The following UNC79 variants were observed in gnomAD, a reference collection of about 807,000 sequenced individuals.
UNC79 encodes the protein protein unc-79 homolog.
Under a neutral mutation model 283.1 loss-of-function variants are expected in UNC79, and 37 were observed. The ratio of observed to expected loss-of-function variants is 0.13; its 90% CI spans 0.10 to 0.17. UNC79 has a LOEUF of 0.17. Among genes scored for constraint, UNC79 ranks in the 10% least tolerant of loss-of-function variants. The probability of loss-of-function intolerance (pLI) is 1.00; values close to 1 mark genes in which losing one functional copy is unlikely to be tolerated. For synonymous variants in UNC79, 1,107 were observed against 1,200.2 expected, an observed-to-expected ratio of 0.92 and a Z score of 1.61; for missense variants, 2,272 against 3,211.1, an observed-to-expected ratio of 0.71 and a Z score of 7.07.
intron 1 of UNC79, among the ~76,000 whole-genome samples, chr14:93,394,559 C>T (rs908895092): frequency 5.9e-4 from 89 of 151,604 alleles, no homozygotes; most frequent in Non-Finnish European, 1.1e-3. Flanking sequence ...TACAGGCACC[C>T]GCCACTGCAC....
chr14:93,374,680 A>G lies in UNC79; in HGVS notation c.-351+41157A>G, dbSNP rs1208859748. ...CAGCCTCCTGAGTAGCTGGGATTAC[A>G]GTTGAGTGCCACCACAACTGGCTAA... is the stretch of plus-strand genomic sequence containing the variant. On this transcript the variant is annotated intron_variant, in intron 1 of 49. Transcript: ENST00000256339. 8.5e-5 allele frequency among the ~76,000 whole-genome samples: 13 copies of G among 152,120 alleles called. No homozygotes were observed. In the South Asian group the frequency reaches 2.7e-3, roughly 31 times the overall value.
At chr14:93,635,728 G>A (rs1452833767) in intron 31 of UNC79, among the ~76,000 whole-genome samples, 2 of 152,156 alleles carry the variant, frequency 1.3e-5, no homozygotes, top group East Asian at 3.8e-4. Flanking sequence ...CTTTATAAGG[G>A]TTCTTTACAT....
chr14:93,685,154 C>G (rs2074140527), intron 42 of UNC79, among the ~76,000 whole-genome samples: 1 of 152,184 alleles, frequency 6.6e-6, no homozygotes, highest in African/African-American at 2.4e-5. Flanking sequence ...ATTCCTTGCT[C>G]TCATTTTTTG....
At chr14:93,408,986 G>A (rs9788562) in intron 1 of UNC79, among the ~76,000 whole-genome samples, 1,944 of 152,196 alleles carry the variant, frequency 0.013, 45 homozygotes, top group African/African-American at 0.045. Context: ...ATTTAGTGAT[G>A]AATTTTAAAC....
chr14:93,503,885 T>G (rs2059413721), intron 7 of UNC79, among the ~76,000 whole-genome samples: 1 of 152,030 alleles, frequency 6.6e-6, no homozygotes, highest in African/African-American at 2.4e-5. Flanking sequence ...TAATGCTTTT[T>G]TGTCATCTTC....
chr14:93,415,455 C>T (rs1276176486), intron 1 of UNC79, among the ~76,000 whole-genome samples: 1 of 152,156 alleles, frequency 6.6e-6, no homozygotes, highest in Non-Finnish European at 1.5e-5. Context: ...CATCAATGTT[C>T]ATCAAGGATA....
Position 93,529,865 on chromosome 14 carries a change from T to C in UNC79, c.1093+539T>C, listed in dbSNP as rs80329071. ...AGATTGCAATGCTTCTTGTAGTTTG[T>C]CAGAGTTGTCAAAGCTATGCCCTAT... On this transcript the variant is annotated intron_variant, in intron 10 of 48. Coordinates refer to ENST00000555664, the Ensembl canonical transcript of UNC79. Among the ~76,000 whole-genome samples the C allele has an allele frequency of 3.6e-3, 551 of 152,296 alleles. 3 individuals carry two copies. The highest frequency in any genetic ancestry group is 0.012 in the African/African-American group (518 of 41,568).
chr14:93,563,568 G>C (rs926152248), intron 14 of UNC79, among the ~76,000 whole-genome samples: 37 of 152,256 alleles, frequency 2.4e-4, no homozygotes, highest in East Asian at 9.6e-4. Context: ...TAGTGCAGCG[G>C]GGGCAGAGCA....
rs146873877 is a variant in UNC79 at position 93,419,104 on chromosome 14, G to A, written c.-350-48567G>A. Among the ~76,000 whole-genome samples the A allele has an allele frequency of 2.8e-3, 408 of 146,358 alleles. 1 individual carries two copies. The highest frequency in any genetic ancestry group is 0.01 in the African/African-American group (381 of 37,854). The stretch of plus-strand genomic sequence containing the variant: ...TCAGATGGAAATGCAGAAATCACCC[G>A]TCTTCTGTGTCACGCTGGGAGCTGT... On this transcript the variant is annotated intron_variant, in intron 1 of 49. Coordinates refer to the UNC79 transcript ENST00000256339.
chr14:93,532,642 T>C lies in UNC79; in HGVS notation c.1122+64T>C, dbSNP rs969039440. 2.5e-6 allele frequency: 4 copies of C among 1,594,988 alleles called. No individual in the cohort carries two copies. The African/African-American group carries it at 4.0e-5, about 16-fold the overall frequency. ...TTGTGTTTGTATGTAAATTCATTTA[T>C]TGACATCTGCCTCATTTCTGCACCG... On this transcript the variant is annotated intron_variant, in intron 11 of 48. Coordinates refer to ENST00000555664, the Ensembl canonical transcript of UNC79.
intron 30 of UNC79, among the ~76,000 whole-genome samples, chr14:93,623,057 GT>G (rs1321219163): frequency 6.6e-6 from 1 of 152,164 alleles, no homozygotes; most frequent in Non-Finnish European, 1.5e-5. Flanking sequence ...TTCTGTTTTT[GT>G]TGTTTTAAAC....
At chr14:93,499,994 G>A (rs903113353) in intron 7 of UNC79, among the ~76,000 whole-genome samples, 11 of 152,062 alleles carry the variant, frequency 7.2e-5, no homozygotes, top group African/African-American at 2.7e-4. Context: ...GTGAGAGGAG[G>A]AGAGTAGCCA....
chr14:93,538,174 A>G, exon 12 of UNC79: 1 of 1,613,250 alleles, frequency 6.2e-7, no homozygotes, highest in Non-Finnish European at 8.5e-7. Flanking sequence ...ACACGCGGGA[A>G]TGCGGCGCTG....
At chr14:93,683,373 G>C (rs527743603) in intron 42 of UNC79, among the ~76,000 whole-genome samples, 1 of 152,234 alleles carries the variant, frequency 6.6e-6, no homozygotes, top group African/African-American at 2.4e-5. Context: ...ATGGCCCATG[G>C]GGTTTTCACA....
chr14:93,607,052 C>G (rs2065935818), intron 26 of UNC79, among the ~76,000 whole-genome samples: 2 of 152,124 alleles, frequency 1.3e-5, no homozygotes, highest in Non-Finnish European at 2.9e-5. Flanking sequence ...TTCATTTCAT[C>G]CTAATTGATG....
intron 47 of UNC79, among the ~76,000 whole-genome samples, chr14:93,700,314 T>G (rs950644522): frequency 6.6e-6 from 1 of 152,176 alleles, no homozygotes; most frequent in Non-Finnish European, 1.5e-5. Context: ...TTTATAGTTT[T>G]CATTAGATTT....
At chr14:93,340,920 A>C (rs2053695399) in intron 1 of UNC79, among the ~76,000 whole-genome samples, 1 of 152,184 alleles carries the variant, frequency 6.6e-6, no homozygotes, top group East Asian at 1.9e-4. Context: ...ACGCAGCTTC[A>C]GGCTACACTT....
chr14:93,394,765 A>G (rs1024906626), intron 1 of UNC79, among the ~76,000 whole-genome samples: 1 of 152,170 alleles, frequency 6.6e-6, no homozygotes, highest in South Asian at 2.1e-4. Context: ...AGGCTGGAGT[A>G]TAGTGGCATG....
At chr14:93,596,695 C>G (rs1043843584) in intron 23 of UNC79, among the ~76,000 whole-genome samples, 1 of 152,150 alleles carries the variant, frequency 6.6e-6, no homozygotes, top group Non-Finnish European at 1.5e-5. Context: ...ATAGCTTAAG[C>G]AAAATACTGA....
Sources: allele counts gnomAD v4.1 joint callset (sites outside exome capture counted in the v4.1 genomes callset), GRCh38; gene constraint gnomAD v4.1.1; transcripts MANE v1.5; gene names NCBI Gene and HGNC (gene_info 2026-07-23, HGNC 2026-07-21).